RNF25: variants seen among roughly 807,000 people sequenced by gnomAD.
RNF25 encodes the protein E3 ubiquitin-protein ligase RNF25.
A neutral mutation model predicts 65.0 loss-of-function variants in RNF25; 32 were observed. That is an observed-to-expected ratio of 0.49 (90% CI 0.37 to 0.66). RNF25 has a LOEUF of 0.66. RNF25 is among the 30% of genes least tolerant of loss of function. The pLI, the probability that RNF25 is intolerant of heterozygous loss-of-function variation, is 0.00. For missense variants in RNF25, 493 were observed against 584.8 expected, an observed-to-expected ratio of 0.84 and a Z score of 1.62; for synonymous variants, 207 against 221.2, an observed-to-expected ratio of 0.94 and a Z score of 0.57.
intron 6 of RNF25, 45 bp from the exon 7 acceptor site, chr2:218,666,104 C>T: frequency 6.2e-7 from 1 of 1,611,094 alleles, no homozygotes; most frequent in South Asian, 1.1e-5. Flanking sequence ...AGCTCTCTCA[C>T]AGCCCTCATC....
chr2:218,666,717 T>C (rs1392148317), intron 5 of RNF25, among the ~76,000 whole-genome samples: 1 of 152,222 alleles, frequency 6.6e-6, no homozygotes, highest in East Asian at 1.9e-4. Flanking sequence ...ATTTGAATTG[T>C]TATTTGAATA....
In RNF25 at chr2:218,665,939, G is replaced by C; in HGVS notation, c.550C>G (p.Arg184Gly). 6.2e-7 allele frequency: 1 copy of C among 1,614,004 alleles called. No individual in the cohort carries two copies. ...KAQGQEQEQE[R>G]QHATTKQKAV... Reference sequence around the variant, plus strand: ...ACCTGTTTGGTTGTAGCATGCTGCCGTTCCTGTTCCTGCTCCTGTCCTTGT... The same window carrying C: ...ACCTGTTTGGTTGTAGCATGCTGCCCTTCCTGTTCCTGCTCCTGTCCTTGT... The change falls in exon 7 of 10, where the codon CGG becomes GGG. Residue 184 changes from arginine (R) to glycine (G), a missense_variant. Arg to Gly is a moderately radical substitution (Grantham distance 125, BLOSUM62 -2). Around this residue, in one of 3 missense-constraint regions of RNF25, gnomAD observed 351 missense variants for 400.2 expected, o/e 0.88. Coordinates refer to ENST00000295704, the MANE Select transcript of RNF25 (RefSeq NM_022453.3).
intron 5 of RNF25, 81 bp from the exon 6 acceptor site, chr2:218,666,311 T>A: frequency 8.9e-7 from 1 of 1,122,958 alleles, no homozygotes; most frequent in Non-Finnish European, 1.3e-6. Context: ...TAGGAGTGAC[T>A]GGCTAGACTT....
At chr2:218,667,128 A>C (rs1272242806) in intron 5 of RNF25, among the ~76,000 whole-genome samples, 1 of 150,940 alleles carries the variant, frequency 6.6e-6, no homozygotes, top group Non-Finnish European at 1.5e-5. Context: ...AGATCACACC[A>C]CTGCACTCCA....
At chr2:218,665,067 G>C (rs1421593349) in intron 8 of RNF25, 88 bp downstream of exon 8, 2 of 1,459,982 alleles carry the variant, frequency 1.4e-6, no homozygotes, top group African/African-American at 1.4e-5. Flanking sequence ...CAATTTCAGA[G>C]ATCCCATTTG....
intron 1 of RNF25, among the ~76,000 whole-genome samples, 162 bp from the exon 2 acceptor site, chr2:218,668,841 T>C (rs1207430911): frequency 6.6e-6 from 1 of 152,252 alleles, no homozygotes; most frequent in Non-Finnish European, 1.5e-5. Context: ...AGTTGTCAAC[T>C]GGCCAAATAG....
chr2:218,665,321 A>C (rs1309136083), intron 7 of RNF25, 74 bp from the exon 8 acceptor site: 12 of 1,349,670 alleles, frequency 8.9e-6, no homozygotes, highest in African/African-American at 1.4e-5. Context: ...CAGCCAACCT[A>C]ATCTGCAGAG....
At position 218,664,762 on chromosome 2, in the gene RNF25, G is replaced by A. The variant is rs1336364567; in HGVS notation, c.778C>T (p.Arg260Ter). 6.2e-7 allele frequency: 1 copy of A among 1,614,234 alleles called. No individual in the cohort carries two copies. Among genetic ancestry groups the A allele is most frequent in the African/African-American group, 1.3e-5 (1 of 75,052 alleles). ...GIIDLEAERNRYFISLQQPPA... is the reference protein window; with the variant it reads ...GIIDLEAERN The stretch of plus-strand genomic sequence containing the variant: ...ACCTGCTGAAGGCTGATGAAGTATC[G>A]GTTTCGCTCAGCCTCAAGGTCAATG... The change falls in exon 9 of 10, where the codon CGA (arginine) becomes TGA (stop). Residue 260 changes from arginine to a stop codon, truncating the protein, a stop_gained. Transcript: ENST00000295704. LOFTEE classifies it high-confidence loss of function. The surrounding 1 kb of genome is among the most constrained non-coding windows in gnomAD (Gnocchi z 5.1).
At chr2:218,666,836 C>T (rs1939834903) in intron 5 of RNF25, among the ~76,000 whole-genome samples, 1 of 152,232 alleles carries the variant, frequency 6.6e-6, no homozygotes, top group African/African-American at 2.4e-5. Flanking sequence ...CTCTCAGCCA[C>T]CCACCTTCAT....
rs762306292 is a variant in RNF25, at chr2:218,664,306, C to T, written c.1031G>A (p.Arg344Gln). 16 of 1,612,286 alleles carry T rather than the reference C, an allele frequency of 9.9e-6. No homozygotes were observed. The highest frequency in any genetic ancestry group is 2.7e-5 in the African/African-American group (2 of 74,914). ...KAMLDPPKPS[R>Q]GPWRQPERRH... ...CCGTTCGGGCTGTCGCCAGGGACCT[C>T]GACTGGGCTTGGGGGGATCTAGCAT... is the stretch of plus-strand genomic sequence containing the variant. Residue 344 changes from arginine to glutamine, a missense_variant, in exon 10 of 10, where the codon CGA (arginine) becomes CAA (glutamine). Transcript: ENST00000295704. The surrounding 1 kb of genome is among the most constrained non-coding windows in gnomAD (Gnocchi z 5.1).
At chr2:218,666,257 G>A (rs374568110) in intron 5 of RNF25, 27 bp from the exon 6 acceptor site, 16 of 1,584,424 alleles carry the variant, frequency 1.0e-5, no homozygotes, top group African/African-American at 2.7e-5. Context: ...CTGATTAAAC[G>A]GGGGTAGGGG....
At chr2:218,668,895 A>G (rs1395426692) in intron 1 of RNF25, among the ~76,000 whole-genome samples, 2 of 152,250 alleles carry the variant, frequency 1.3e-5, no homozygotes, top group African/African-American at 4.8e-5. Flanking sequence ...CTGCCAACAG[A>G]TGAAGAAGTG....
rs112484473 is a variant in RNF25, at chr2:218,668,181, G to A, written c.220-35C>T. ...GCAAATAACAAGTTACTGCTGAAGC[G>A]GTCCACCCCAGGGACTCTCCCCTTC... On this transcript the variant is annotated intron_variant, in intron 3 of 9. Transcript: ENST00000295704. 5.3e-5 allele frequency: 85 copies of A among 1,613,076 alleles called. No individual in the cohort carries two copies. In the East Asian group the frequency reaches 1.6e-3, roughly 30 times the overall value.
intron 7 of RNF25, among the ~76,000 whole-genome samples, chr2:218,665,571 C>T (rs190573673): frequency 2.1e-4 from 32 of 152,050 alleles, no homozygotes; most frequent in Non-Finnish European, 3.7e-4. Flanking sequence ...GGTGAAACCC[C>T]GTCTCTACTG....
intron 1 of RNF25, among the ~76,000 whole-genome samples, chr2:218,671,493 G>A (rs1016093314): frequency 2.0e-5 from 3 of 152,162 alleles, no homozygotes; most frequent in Admixed American, 6.5e-5. Context: ...TGCTGTGTGA[G>A]AGAGAGAAGG....
Position 218,671,448 on chromosome 2 carries a change from G to GTGTAA in RNF25, c.41+477_41+481dup, listed in dbSNP as rs545899153. 2.0e-5 allele frequency among the ~76,000 whole-genome samples: 3 copies of GTGTAA among 152,272 alleles called. No individual in the cohort carries two copies. The East Asian group carries it at 5.8e-4, about 29-fold the overall frequency. ...AAGGACTAGAGGGACTTTATATGAA[G>GTGTAA]TGTAAAGCTTTATTCATACAATAGT... On this transcript the variant is annotated intron_variant, in intron 1 of 9. Coordinates refer to ENST00000295704, the MANE Select transcript of RNF25 (RefSeq NM_022453.3).
At chr2:218,671,084 G>T (rs1939953900) in intron 1 of RNF25, among the ~76,000 whole-genome samples, 1 of 152,118 alleles carries the variant, frequency 6.6e-6, no homozygotes, top group Non-Finnish European at 1.5e-5. Context: ...GAGGCAGAAG[G>T]ATCACCTGAG....
chr2:218,666,015 G>C lies in RNF25; in HGVS notation c.474C>G (p.His158Gln). 6.2e-7 allele frequency: 1 copy of C among 1,614,150 alleles called. No homozygotes were observed. The highest frequency in any genetic ancestry group is 8.5e-7 in the Non-Finnish European group (1 of 1,180,008). ...GGATGTACCGAGCAAGGCAGTGGCAGTGGAAGTAGTGGTAACAGGGTGTTT... is the reference window on the plus strand; with the variant it reads ...GGATGTACCGAGCAAGGCAGTGGCACTGGAAGTAGTGGTAACAGGGTGTTT... The part of the protein sequence containing the change: ...FTKTPCYHYF[H>Q]CHCLARYIQH... Residue 158 changes from histidine to glutamine, a missense_variant, in exon 7 of 10, where the codon CAC becomes CAG. His to Gln is a conservative substitution (Grantham distance 24). Coordinates refer to ENST00000295704, the MANE Select transcript of RNF25 (RefSeq NM_022453.3).
intron 1 of RNF25, among the ~76,000 whole-genome samples, chr2:218,669,564 T>A (rs1387830479): frequency 6.6e-6 from 1 of 152,178 alleles, no homozygotes; most frequent in Non-Finnish European, 1.5e-5. Context: ...GAGGTTAGGA[T>A]CCATGGTTCT....
Sources: allele counts gnomAD v4.1 joint callset (sites outside exome capture counted in the v4.1 genomes callset), GRCh38; gene constraint gnomAD v4.1.1; regional missense constraint gnomAD v4.1.1; non-coding constraint Gnocchi (gnomAD v3.1); transcripts MANE v1.5; gene names NCBI Gene and HGNC (gene_info 2026-07-23, HGNC 2026-07-21).